CDH8: variants seen among roughly 807,000 people sequenced by gnomAD.
CDH8 encodes the protein cadherin-8.
In CDH8, 17 loss-of-function variants were observed where a neutral mutation model predicts 68.1. That is an observed-to-expected ratio of 0.25 (90% CI 0.17 to 0.37). The LOEUF is 0.37. Ranked by LOEUF, CDH8 falls within the 10% of genes least tolerant of loss-of-function variation. The pLI is 1.00. For synonymous variants in CDH8, 372 were observed against 365.1 expected (o/e 1.02, Z -0.21); for missense variants, 763 against 999.3 (o/e 0.76, Z 3.19).
At chr16:61,884,496 C>T (rs1311656521) in intron 3 of CDH8, among the ~76,000 whole-genome samples, 4 of 151,648 alleles carry the variant, frequency 2.6e-5, no homozygotes, top group African/African-American at 9.7e-5. Flanking sequence ...GCCTCAGCCT[C>T]CCAAGTAGCT....
At chr16:61,706,620 C>CAAAAAAAAAAAAAAAAAAAAAAAA (rs781148249) in intron 10 of CDH8, among the ~76,000 whole-genome samples, 3 of 60,382 alleles carry the variant, frequency 5.0e-5, no homozygotes, top group African/African-American at 1.4e-4. Flanking sequence ...GACTCTGTCT[C>CAAAAAAAAAAAAAAAAAAAAAAAA]AAAAAAAAAA....
intron 10 of CDH8, among the ~76,000 whole-genome samples, chr16:61,702,115 G>A (rs1964440986): frequency 6.6e-6 from 1 of 152,188 alleles, no homozygotes; most frequent in Non-Finnish European, 1.5e-5. Flanking sequence ...GCTCACTCCT[G>A]TAATCTCAGC....
chr16:61,653,687 T>A lies in CDH8; in HGVS notation c.2321A>T (p.Asp774Val). 6.2e-7 allele frequency: 1 copy of A among 1,614,178 alleles called. No individual in the cohort carries two copies. The highest frequency in any genetic ancestry group is 1.6e-4 in the Middle Eastern group (1 of 6,062). The change falls in exon 12 of 12, where the codon GAC becomes GTC. Residue 774 changes from aspartate to valine, a missense_variant. Physicochemically the swap from Asp to Val is radical, Grantham distance 152 (BLOSUM62 -3). Transcript: ENST00000577390. ...STTSDSDQNFDYLSDWGPRFK... is the reference protein window; with the variant it reads ...STTSDSDQNFVYLSDWGPRFK... The stretch of plus-strand genomic sequence containing the variant: ...GCGGGGACCCCAGTCACTGAGGTAG[T>A]CAAAATTCTGGTCTGAGTCTGATGT...
intron 6 of CDH8, among the ~76,000 whole-genome samples, 174 bp downstream of exon 6, chr16:61,820,752 G>T (rs988998476): frequency 1.3e-5 from 2 of 151,840 alleles, no homozygotes; most frequent in East Asian, 3.9e-4. Context: ...TGTGAAGGGG[G>T]CCCAAGAGAT....
chr16:61,876,141 C>G (rs1963455125), intron 3 of CDH8, among the ~76,000 whole-genome samples: 1 of 152,138 alleles, frequency 6.6e-6, no homozygotes, highest in Non-Finnish European at 1.5e-5. Flanking sequence ...TCCCAAAGTA[C>G]TGGAATTACA....
At chr16:61,658,178 T>C (rs1306457022) in intron 10 of CDH8, among the ~76,000 whole-genome samples, 3 of 152,098 alleles carry the variant, frequency 2.0e-5, no homozygotes, top group Non-Finnish European at 2.9e-5. Flanking sequence ...ATTGCCATTA[T>C]TTTACACATC....
At chr16:61,673,250 A>G (rs1963833989) in intron 10 of CDH8, among the ~76,000 whole-genome samples, 1 of 152,078 alleles carries the variant, frequency 6.6e-6, no homozygotes, top group Non-Finnish European at 1.5e-5. Flanking sequence ...TTTTGTATTG[A>G]GGCCTCTCCT....
intron 3 of CDH8, among the ~76,000 whole-genome samples, chr16:61,875,710 A>C (rs1006821415): frequency 6.6e-6 from 1 of 152,204 alleles, no homozygotes. Context: ...TCAGGTGTAC[A>C]TCCACGTATG....
chr16:61,836,494 A>G (rs1338077026), intron 4 of CDH8, among the ~76,000 whole-genome samples: 1 of 152,080 alleles, frequency 6.6e-6, no homozygotes, highest in African/African-American at 2.4e-5. Context: ...TACTACCACT[A>G]CAACCCCTAA....
Position 61,647,680 on chromosome 16 carries a change from A to G in CDH8, c.*5928T>C. On this transcript the variant is annotated 3_prime_UTR_variant, in exon 12 of 12. Coordinates refer to ENST00000577390, the MANE Select transcript of CDH8 (RefSeq NM_001796.5). The stretch of plus-strand genomic sequence containing the variant: ...TCCATCTTAGAGCATAATTGTTAAA[A>G]TTTTCCTCTTATTTTTGAGGAATCA... The G allele has an allele frequency of 1.6e-6, 1 of 631,726 alleles. No individual in the cohort carries two copies. Among genetic ancestry groups the G allele is most frequent in the Non-Finnish European group, 2.8e-6 (1 of 354,582 alleles). The allele number at this position is 631,726 out of a possible 1,614,324, so 39.1% of individuals were successfully genotyped here.
intron 10 of CDH8, among the ~76,000 whole-genome samples, chr16:61,680,141 C>T (rs1009884327): frequency 5.3e-5 from 8 of 151,928 alleles, no homozygotes; most frequent in African/African-American, 1.9e-4. Context: ...CTGTTCTCCT[C>T]ACTACATCCT....
intron 3 of CDH8, among the ~76,000 whole-genome samples, chr16:61,863,566 A>C (rs1963195399): frequency 1.3e-5 from 2 of 152,184 alleles, no homozygotes; most frequent in Non-Finnish European, 2.9e-5. Flanking sequence ...CTGATCAGGA[A>C]AACGACAGTT....
chr16:61,830,645 A>G (rs995190363), intron 4 of CDH8, among the ~76,000 whole-genome samples: 2 of 151,792 alleles, frequency 1.3e-5, no homozygotes, highest in Non-Finnish European at 2.9e-5. Flanking sequence ...ACAGTCACAC[A>G]TTCTCAACAC....
chr16:61,784,847 T>G (rs1477766306), intron 8 of CDH8, among the ~76,000 whole-genome samples: 1 of 152,162 alleles, frequency 6.6e-6, no homozygotes, highest in Non-Finnish European at 1.5e-5. Flanking sequence ...ACTGGGTACA[T>G]AATGAAATAA....
chr16:61,918,042 C>CAA (rs1159849565), intron 2 of CDH8, among the ~76,000 whole-genome samples: 5 of 141,308 alleles, frequency 3.5e-5, no homozygotes, highest in Non-Finnish European at 7.6e-5. Context: ...ACTGCTGCCA[C>CAA]CTTAGTACCA....
intron 1 of CDH8, among the ~76,000 whole-genome samples, chr16:62,031,677 A>ACACAC (rs1902329670): frequency 2.0e-5 from 3 of 149,924 alleles, no homozygotes; most frequent in Non-Finnish European, 3.0e-5. Context: ...CACACCCACA[A>ACACAC]ACACACACAC....
At chr16:61,746,149 C>G (rs1308055028) in intron 8 of CDH8, among the ~76,000 whole-genome samples, 1 of 152,058 alleles carries the variant, frequency 6.6e-6, no homozygotes, top group Non-Finnish European at 1.5e-5. Context: ...CTTATTCTTG[C>G]ACATGTTAAG....
At position 61,927,226 on chromosome 16, in the gene CDH8, T is replaced by A. The variant is rs1472220107; in HGVS notation, c.253-25753A>T. ...TTCAGTTTCTATATTGCTACAGGGA[T>A]AATACTATTTTATGGAGTCAGTATG... On this transcript the variant is annotated intron_variant, in intron 2 of 11. Coordinates refer to ENST00000577390, the MANE Select transcript of CDH8 (RefSeq NM_001796.5). 5.3e-5 allele frequency among the ~76,000 whole-genome samples: 8 copies of A among 152,322 alleles called. No homozygotes were observed. The East Asian group carries it at 1.5e-3, about 29-fold the overall frequency.
At chr16:61,775,716 T>A (rs1349852768) in intron 8 of CDH8, among the ~76,000 whole-genome samples, 1 of 152,076 alleles carries the variant, frequency 6.6e-6, no homozygotes, top group East Asian at 1.9e-4. Flanking sequence ...CACCCCGGAC[T>A]AAACGGCCCA....
Sources: gnomAD v4.1 joint callset for allele counts (sites outside exome capture counted in the v4.1 genomes callset) on GRCh38, gnomAD v4.1.1 for gene constraint, MANE v1.5 for transcripts, NCBI Gene and HGNC (gene_info 2026-07-23, HGNC 2026-07-21) for gene names.